The following PHKA2 variants were observed in gnomAD, a reference collection of about 807,000 sequenced individuals.
PHKA2 encodes the protein phosphorylase b kinase regulatory subunit alpha, liver isoform.
PHKA2 carries 31 observed loss-of-function variants against 102.0 expected under a neutral mutation model. That is an observed-to-expected ratio of 0.30 (90% CI 0.23 to 0.41). The LOEUF is 0.41. Among genes scored for constraint, PHKA2 ranks in the 10% least tolerant of loss-of-function variants. The pLI, the probability that PHKA2 is intolerant of heterozygous loss-of-function variation, is 1.00. For synonymous variants in PHKA2, 455 were observed against 416.2 expected, an observed-to-expected ratio of 1.09 and a Z score of -1.13; for missense variants, 858 against 1,023.1, an observed-to-expected ratio of 0.84 and a Z score of 2.20.
chrX:18,946,376 C>T (rs915917949), intron 5 of PHKA2, among the ~76,000 whole-genome samples: 47 of 111,176 alleles, frequency 4.2e-4, no homozygotes, highest in Non-Finnish European at 7.9e-4. Context: ...TTCCTCCAAC[C>T]CCGGCACTGG....
At chrX:18,923,048 T>C (rs1315763087) in intron 17 of PHKA2, among the ~76,000 whole-genome samples, 2 of 58,844 alleles carry the variant, frequency 3.4e-5, no homozygotes, top group Non-Finnish European at 5.6e-5. Context: ...GAGATTCTCC[T>C]TTTTTTTTTT....
At chrX:18,898,198 G>C (rs2047610273) in intron 29 of PHKA2, 1 of 112,860 alleles carries the variant, frequency 8.9e-6, no homozygotes, top group African/African-American at 3.2e-5. Flanking sequence ...TCTGAACTGG[G>C]GCTGACTTTG....
At chrX:18,969,542 T>A (rs1385244376) in intron 1 of PHKA2, among the ~76,000 whole-genome samples, 1 of 112,156 alleles carries the variant, frequency 8.9e-6, no homozygotes, top group African/African-American at 3.2e-5. Context: ...TTTCTTCTTT[T>A]TTTTGTTTTT....
chrX:18,915,743 G>T (rs1389453353), intron 19 of PHKA2, among the ~76,000 whole-genome samples: 1 of 110,504 alleles, frequency 9.0e-6, no homozygotes, highest in Non-Finnish European at 1.9e-5. Flanking sequence ...TTTAAAACAT[G>T]ATAGCAAAAG....
In PHKA2 at chrX:18,893,295, T is replaced by C; in HGVS notation, c.*190A>G. 2.1e-6 allele frequency: 1 copy of C among 485,603 alleles called. No individual in the cohort carries two copies. The highest frequency in any genetic ancestry group is 3.6e-6 in the Non-Finnish European group (1 of 274,063). 40.0% of individuals were successfully genotyped at this position (485,603 alleles called of 1,213,427 possible). On this transcript the variant is annotated 3_prime_UTR_variant, in exon 33 of 33. Transcript: ENST00000379942. ...TGCTCCTTGCGGGGGAACACAGGAC[T>C]CCTCAGCTCTATCTCTGTGGCTTTA...
At chrX:18,916,876 ATT>A (rs202152356) in intron 19 of PHKA2, among the ~76,000 whole-genome samples, 9 of 100,616 alleles carry the variant, frequency 8.9e-5, no homozygotes, top group African/African-American at 7.2e-5. Context: ...GGGCTAATAC[ATT>A]TTTTTTTTTT....
chrX:18,945,756 C>T (rs912287434), intron 5 of PHKA2, among the ~76,000 whole-genome samples: 7 of 111,140 alleles, frequency 6.3e-5, no homozygotes, highest in Non-Finnish European at 1.3e-4. Context: ...GGACTTGATA[C>T]ATGTGTACCT....
At position 18,908,854 on chromosome X, in the gene PHKA2, A is replaced by G. The variant is rs746876698; in HGVS notation, c.2307T>C (p.Asp769=). Residue 769 remains aspartate, a synonymous_variant, in exon 21 of 33, where the codon GAT becomes GAC. Transcript: ENST00000379942. ...CTGCTTGGTCCTGTAGGTTCGAACA[A>G]TCTTTTAGCTGCTCAACCAGCTTCT... The part of the protein sequence containing the change: ...DCEKLVEQLK[D]CSNLQDQADI... 6 of 1,210,079 alleles carry G rather than the reference A, an allele frequency of 5.0e-6. No homozygotes were observed. In the South Asian group the frequency reaches 8.8e-5, roughly 18 times the overall value.
chrX:18,898,002 C>T (rs765036195), intron 29 of PHKA2: 175 of 113,275 alleles, frequency 1.5e-3, no homozygotes, highest in Non-Finnish European at 2.2e-3. Context: ...GTGACAGACA[C>T]GTTTCCACAG....
At chrX:18,896,653 T>TG (rs2047562486) in intron 30 of PHKA2, 3 of 167,848 alleles carry the variant, frequency 1.8e-5, no homozygotes, top group East Asian at 1.6e-4. Flanking sequence ...TGCGGGAGGC[T>TG]GGGGGGCTGG....
At chrX:18,897,657 C>T in intron 29 of PHKA2, 1 of 302,332 alleles carries the variant, frequency 3.3e-6, no homozygotes, top group Non-Finnish European at 5.9e-6. Context: ...CTAATCCCCA[C>T]TCAATGCCAG....
chrX:18,915,920 T>A (rs1414463037), intron 19 of PHKA2, among the ~76,000 whole-genome samples: 4 of 111,107 alleles, frequency 3.6e-5, no homozygotes, highest in African/African-American at 1.3e-4. Context: ...GGGCAGGAAA[T>A]GAGTCAAGAA....
chrX:18,910,940 T>A lies in PHKA2; in HGVS notation c.2158A>T (p.Thr720Ser). Residue 720 changes from threonine (T) to serine (S), a missense_variant, in exon 20 of 33, where the codon ACT becomes TCT. Thr to Ser is a moderately conservative substitution (Grantham distance 58, BLOSUM62 1). Around this residue, in one of 2 missense-constraint regions of PHKA2, gnomAD observed 671 missense variants for 745.2 expected, o/e 0.90. Transcript: ENST00000379942. ...EVPFVPMTLP[T>S]KVLSAHRKSL... ...TTACGGTGGGCACTTAGAACTTTAG[T>A]CGGCAAAGTCATGGGAACAACTGGA... 8.5e-7 allele frequency: 1 copy of A among 1,182,797 alleles called. No homozygotes were observed. The highest frequency in any genetic ancestry group is 1.1e-6 in the Non-Finnish European group (1 of 872,465).
At chrX:18,962,582 C>G (rs1235626631) in intron 1 of PHKA2, among the ~76,000 whole-genome samples, 1 of 111,734 alleles carries the variant, frequency 8.9e-6, no homozygotes, top group African/African-American at 3.3e-5. Context: ...GACCCAGCCA[C>G]AGCTTGCCCA....
chrX:18,945,548 T>C lies in PHKA2; in HGVS notation c.538-390A>G, dbSNP rs759121817. ...GTTGTAAAATGGAAGACAGAAACTT[T>C]AGCACATGGGTCATAACTAGTCAAA... On this transcript the variant is annotated intron_variant, in intron 5 of 32. Coordinates refer to ENST00000379942, the MANE Select transcript of PHKA2 (RefSeq NM_000292.3). Among the ~76,000 whole-genome samples the C allele has an allele frequency of 1.4e-4, 16 of 112,470 alleles. No homozygotes were observed. In the South Asian group the frequency reaches 5.5e-3, roughly 39 times the overall value.
At chrX:18,967,367 T>C (rs2048960157) in intron 1 of PHKA2, among the ~76,000 whole-genome samples, 1 of 111,203 alleles carries the variant, frequency 9.0e-6, no homozygotes, top group African/African-American at 3.3e-5. Context: ...ACGAACACTA[T>C]GGGAAGGCTG....
chrX:18,893,944 GGGGTTCACCCAT>G (rs1363309969), intron 32 of PHKA2: 7 of 456,555 alleles, frequency 1.5e-5, no homozygotes, highest in Non-Finnish European at 2.3e-5. Context: ...TACAGGGTAA[GGGGTTCACCCAT>G]GGTCACATGT....
intron 18 of PHKA2, among the ~76,000 whole-genome samples, chrX:18,919,591 T>C (rs965433914): frequency 1.7e-4 from 19 of 108,994 alleles, no homozygotes; most frequent in Non-Finnish European, 1.3e-4. Flanking sequence ...TGTAGGCCTA[T>C]AGTCTTAGCC....
At chrX:18,973,251 C>T (rs1460782106) in intron 1 of PHKA2, among the ~76,000 whole-genome samples, 2 of 111,637 alleles carry the variant, frequency 1.8e-5, no homozygotes, top group African/African-American at 3.3e-5. Context: ...GTGATCCATC[C>T]GCCTCGGCCT....
Sources: gnomAD v4.1 joint callset for allele counts (sites outside exome capture counted in the v4.1 genomes callset) on GRCh38, gnomAD v4.1.1 for gene constraint, gnomAD v4.1.1 regional missense constraint, MANE v1.5 for transcripts, NCBI Gene and HGNC (gene_info 2026-07-23, HGNC 2026-07-21) for gene names.